Variants in TEP1 observed in about 807,000 individuals in gnomAD.
TEP1 encodes telomerase protein component 1.
TEP1 carries 241 observed loss-of-function variants against 306.3 expected under a neutral mutation model. The observed-to-expected ratio is 0.79, with a 90% CI of 0.71 to 0.88. TEP1 has a LOEUF of 0.88. Ranked by LOEUF, TEP1 falls within the 40% of genes least tolerant of loss-of-function variation. The pLI, the probability that TEP1 is intolerant of heterozygous loss-of-function variation, is 0.00. For synonymous variants in TEP1, 1,289 were observed against 1,305.5 expected (o/e 0.99, Z 0.27); for missense variants, 3,051 against 3,276.1 (o/e 0.93, Z 1.68).
At position 20,373,121 on chromosome 14, in the gene TEP1, C is replaced by G; in HGVS notation, c.6841G>C (p.Ala2281Pro). ...ADDTCIPRSSAAVTAVAWAPD... is the reference protein window; with the variant it reads ...ADDTCIPRSSPAVTAVAWAPD... Reference sequence around the variant, plus strand: ...GCCCAAGCCACAGCAGTGACGGCTGCAGAACTCCTTGGTATACATGTGTCA... The same window carrying G: ...GCCCAAGCCACAGCAGTGACGGCTGGAGAACTCCTTGGTATACATGTGTCA... The change falls in exon 48 of 55, where the codon GCA becomes CCA. Residue 2281 changes from alanine (A) to proline (P), a missense_variant. Around this residue, in one of 3 missense-constraint regions of TEP1, gnomAD observed 1,540 missense variants for 1,705.9 expected, o/e 0.90. Transcript: ENST00000262715. 1 of 1,614,218 alleles carries G rather than the reference C, an allele frequency of 6.2e-7. No individual in the cohort carries two copies. Among genetic ancestry groups the G allele is most frequent in the Non-Finnish European group, 8.5e-7 (1 of 1,180,040 alleles).
At chr14:20,384,307 C>T (rs1876912572) in intron 23 of TEP1, 75 bp from the exon 24 acceptor site, 4 of 1,608,828 alleles carry the variant, frequency 2.5e-6, no homozygotes, top group Admixed American at 3.3e-5. Context: ...TCACAGAGCC[C>T]CCGCCAAGCT....
At position 20,382,681 on chromosome 14, in the gene TEP1, C is replaced by G. The variant is rs778056728; in HGVS notation, c.4082G>C (p.Arg1361Pro). The change falls in exon 28 of 55, where the codon CGG becomes CCG. Residue 1361 changes from arginine (R) to proline (P), a missense_variant. Arg to Pro is a moderately radical substitution (Grantham distance 103). Transcript: ENST00000262715. Reference protein sequence around the residue: ...RLLLVKRESGRPLYLRLVTDH... With the variant: ...RLLLVKRESGPPLYLRLVTDH... ...GGTGACCAAGCGCAGGTAGAGCGGC[C>G]GGCCTGATTCCCGCTTCACCAGCAG... 6.2e-7 allele frequency: 1 copy of G among 1,613,914 alleles called. No homozygotes were observed. Among genetic ancestry groups the G allele is most frequent in the Non-Finnish European group, 8.5e-7 (1 of 1,179,990 alleles).
intron 2 of TEP1, 82 bp downstream of exon 2, chr14:20,407,791 G>A: frequency 1.6e-6 from 2 of 1,264,858 alleles, no homozygotes; most frequent in Non-Finnish European, 1.1e-6. Context: ...GCAGCACAGA[G>A]GGAAACTGAG....
chr14:20,388,041 AGGCCCCATGCTCT>A lies in TEP1; in HGVS notation c.2535_2547del (p.Glu846ProfsTer69). On this transcript the variant is annotated frameshift_variant, in exon 18 of 55. Transcript: ENST00000262715. LOFTEE classifies it high-confidence loss of function. ...TGGCCCACATGTTCCAGAAGATGGGAGGCCCCATGCTCTGCAATGAACCTGACATAAATAACAA... is the reference window on the plus strand; with the variant it reads ...TGGCCCACATGTTCCAGAAGATGGGAGCAATGAACCTGACATAAATAACAA... 2.5e-6 allele frequency: 4 copies of A among 1,614,116 alleles called. No homozygotes were observed. Among genetic ancestry groups the A allele is most frequent in the African/African-American group, 2.7e-5 (2 of 75,046 alleles).
chr14:20,396,777 G>A (rs973213152), intron 9 of TEP1, 47 bp from the exon 10 acceptor site: 14 of 1,351,702 alleles, frequency 1.0e-5, no homozygotes, highest in East Asian at 7.5e-5. Flanking sequence ...GAGAAGGCCA[G>A]GCACAGTGGC....
chr14:20,382,481 A>G, intron 28 of TEP1, 125 bp from the exon 29 acceptor site: 1 of 1,526,820 alleles, frequency 6.5e-7, no homozygotes, highest in Non-Finnish European at 8.9e-7. Flanking sequence ...CAACAGTAGG[A>G]GGGAAGTGAG....
In TEP1 at chr14:20,373,129, C is replaced by G; in HGVS notation, c.6833G>C (p.Arg2278Thr). 1 of 1,614,222 alleles carries G rather than the reference C, an allele frequency of 6.2e-7. No homozygotes were observed. The highest frequency in any genetic ancestry group is 8.5e-7 in the Non-Finnish European group (1 of 1,180,030). Residue 2278 changes from arginine (R) to threonine (T), a missense_variant, in exon 48 of 55, where the codon AGG becomes ACG. Transcript: ENST00000262715. Reference protein sequence around the residue: ...PKEADDTCIPRSSAAVTAVAW... With the variant: ...PKEADDTCIPTSSAAVTAVAW... ...CACAGCAGTGACGGCTGCAGAACTCCTTGGTATACATGTGTCATCTGGAGG... is the reference window on the plus strand; with the variant it reads ...CACAGCAGTGACGGCTGCAGAACTCGTTGGTATACATGTGTCATCTGGAGG...
chr14:20,385,652 C>T (rs1253951185), intron 20 of TEP1, among the ~76,000 whole-genome samples: 2 of 152,228 alleles, frequency 1.3e-5, no homozygotes, highest in Admixed American at 6.5e-5. Context: ...GGATTATAGG[C>T]GTGAGCCACT....
At chr14:20,410,113 G>C (rs1879537485) in intron 1 of TEP1, among the ~76,000 whole-genome samples, 1 of 149,220 alleles carries the variant, frequency 6.7e-6, no homozygotes. Context: ...TAGGCACTTT[G>C]AGCATTGCCT....
Position 20,380,241 on chromosome 14 carries a change from T to C in TEP1, c.4997A>G (p.Gln1666Arg). ...TCTGGGGTCAAGGTCTTACCTTTGC[T>C]GATTTTTCATGGTCCGGGGTTTATT... Reference protein sequence around the residue: ...WLNKPRTMKNQQSSSLSLAVS... With the variant: ...WLNKPRTMKNRQSSSLSLAVS... Residue 1666 changes from glutamine (Q) to arginine (R), a missense_variant, in exon 34 of 55, where the codon CAG becomes CGG. Around this residue, in one of 3 missense-constraint regions of TEP1, gnomAD observed 1,540 missense variants for 1,705.9 expected, o/e 0.90. Coordinates refer to ENST00000262715, the MANE Select transcript of TEP1 (RefSeq NM_007110.5). 2 of 1,613,792 alleles carry C rather than the reference T, an allele frequency of 1.2e-6. No homozygotes were observed. The highest frequency in any genetic ancestry group is 1.7e-6 in the Non-Finnish European group (2 of 1,179,714).
At chr14:20,390,903 A>G (rs1877651006) in intron 14 of TEP1, 35 bp downstream of exon 14, 1 of 1,613,320 alleles carries the variant, frequency 6.2e-7, no homozygotes, top group Non-Finnish European at 8.5e-7. Context: ...TGTGTCCTTC[A>G]TGTATTTTTG....
Position 20,408,156 on chromosome 14 carries a change from T to C in TEP1, c.284A>G (p.His95Arg). The C allele has an allele frequency of 1.2e-6, 2 of 1,610,682 alleles. No individual in the cohort carries two copies. Among genetic ancestry groups the C allele is most frequent in the Non-Finnish European group, 1.7e-6 (2 of 1,178,264 alleles). ...LSDLKTMEKP[H>R]GHVSAHPDIL... ...GTCTGGGTGGGCAGAAACATGTCCA[T>C]GTGGTTTCTCCATGGTCTTCAGGTC... Residue 95 changes from histidine to arginine, a missense_variant, in exon 2 of 55, where the codon CAT (histidine) becomes CGT (arginine). This residue lies in a region of TEP1 where 1,507 missense variants were observed against 1,550.5 expected (regional missense o/e 0.97). Coordinates refer to ENST00000262715, the MANE Select transcript of TEP1 (RefSeq NM_007110.5).
At position 20,404,517 on chromosome 14, in the gene TEP1, A is replaced by C. The variant is rs1420576978; in HGVS notation, c.1032+94T>G. 5 of 1,477,706 alleles carry C rather than the reference A, an allele frequency of 3.4e-6. No individual in the cohort carries two copies. The African/African-American group carries it at 7.1e-5, about 21-fold the overall frequency. The allele number at this position is 1,477,706 out of a possible 1,614,324, so 91.5% of individuals were successfully genotyped here. The stretch of plus-strand genomic sequence containing the variant: ...ACCAATGCTGAGGAAAGCTGAGGGG[A>C]AACCAAATTGCCTGAGAATTTTCTC... On this transcript the variant is annotated intron_variant, in intron 5 of 54. Transcript: ENST00000262715.
intron 5 of TEP1, among the ~76,000 whole-genome samples, 187 bp downstream of exon 5, chr14:20,404,424 C>T (rs1879008068): frequency 1.3e-5 from 2 of 151,740 alleles, no homozygotes; most frequent in Admixed American, 1.3e-4. Context: ...TTGGTCCAGC[C>T]CTTCTCAATC....
At chr14:20,409,209 T>C (rs1879439602) in intron 1 of TEP1, among the ~76,000 whole-genome samples, 1 of 152,226 alleles carries the variant, frequency 6.6e-6, no homozygotes, top group Admixed American at 6.5e-5. Flanking sequence ...ACATTGTTGA[T>C]TACTCTCTCA....
At position 20,389,228 on chromosome 14, in the gene TEP1, C is replaced by T; in HGVS notation, c.2525+10G>A. ...AGTATCCAACCCTTCAGTATCCATT[C>T]TGTACTCACTTCAGTATCGCATCAG... On this transcript the variant is annotated intron_variant, in intron 17 of 54. Coordinates refer to ENST00000262715, the MANE Select transcript of TEP1 (RefSeq NM_007110.5). The T allele has an allele frequency of 1.2e-6, 2 of 1,613,628 alleles. No homozygotes were observed. Among genetic ancestry groups the T allele is most frequent in the Non-Finnish European group, 1.7e-6 (2 of 1,179,606 alleles).
chr14:20,393,485 TA>T (rs1410340678), intron 12 of TEP1, among the ~76,000 whole-genome samples: 3 of 152,056 alleles, frequency 2.0e-5, no homozygotes. Context: ...TTGGTGAAAT[TA>T]ACTTTTCTTT....
In TEP1 at chr14:20,377,726, G is replaced by T. The variant is rs762329428; in HGVS notation, c.5749C>A (p.Arg1917=). The part of the protein sequence containing the change: ...KVQVWSGSLG[R]PRGHLGSLSL... Reference sequence around the variant, plus strand: ...AGGGAACCCAGGTGCCCACGGGGCCGACCCAGAGACCCTGACCACACCTGA... The same window carrying T: ...AGGGAACCCAGGTGCCCACGGGGCCTACCCAGAGACCCTGACCACACCTGA... Residue 1917 remains arginine, a synonymous_variant, in exon 40 of 55, where the codon CGG becomes AGG. Transcript: ENST00000262715. The T allele has an allele frequency of 1.2e-6, 2 of 1,613,778 alleles. No homozygotes were observed. The highest frequency in any genetic ancestry group is 1.7e-5 in the Admixed American group (1 of 59,992).
At chr14:20,396,511 G>C in intron 10 of TEP1, 110 bp downstream of exon 10, 1 of 798,820 alleles carries the variant, frequency 1.3e-6, no homozygotes, top group Non-Finnish European at 2.0e-6. Context: ...CAGCTTGAGG[G>C]CCGTACCTGC....
Sources: gnomAD v4.1 joint callset for allele counts (sites outside exome capture counted in the v4.1 genomes callset) on GRCh38, gnomAD v4.1.1 for gene constraint, gnomAD v4.1.1 regional missense constraint, MANE v1.5 for transcripts, NCBI Gene and HGNC (gene_info 2026-07-23, HGNC 2026-07-21) for gene names.